Variants in ATXN1 observed in about 807,000 individuals in gnomAD.
ATXN1 encodes the protein ataxin 1.
In ATXN1, 8 loss-of-function variants were observed where a neutral mutation model predicts 56.4. That is an observed-to-expected ratio of 0.14 (90% CI 0.08 to 0.26). The LOEUF (loss-of-function observed/expected upper bound fraction) is 0.26. Among genes scored for constraint, ATXN1 ranks in the 10% least tolerant of loss-of-function variants. ATXN1 has a pLI of 1.00. For missense variants in ATXN1, 987 were observed against 1,106.5 expected (o/e 0.89, Z 1.53); for synonymous variants, 514 against 494.6 (o/e 1.04, Z -0.52).
chr6:16,457,857 C>A (rs1049689229), intron 6 of ATXN1, among the ~76,000 whole-genome samples: 1 of 152,198 alleles, frequency 6.6e-6, no homozygotes, highest in Non-Finnish European at 1.5e-5. Flanking sequence ...GACCACCAAA[C>A]CCCTCAGGCT....
At chr6:16,750,875 A>C (rs541090790) in intron 2 of ATXN1, among the ~76,000 whole-genome samples, 20 of 152,060 alleles carry the variant, frequency 1.3e-4, no homozygotes, top group Admixed American at 3.9e-4. Flanking sequence ...AAATGTGAGG[A>C]TTTTCAGCCT....
At chr6:16,474,873 C>T (rs1760295754) in intron 6 of ATXN1, among the ~76,000 whole-genome samples, 1 of 152,072 alleles carries the variant, frequency 6.6e-6, no homozygotes. Flanking sequence ...CACTCTCTCT[C>T]TCTTTCTGTA....
At chr6:16,361,293 T>C (rs1490264639) in intron 6 of ATXN1, among the ~76,000 whole-genome samples, 4 of 152,208 alleles carry the variant, frequency 2.6e-5, no homozygotes, top group Admixed American at 6.5e-5. Flanking sequence ...AACGTAATGT[T>C]TCCTTCACAT....
intron 3 of ATXN1, among the ~76,000 whole-genome samples, chr6:16,611,052 T>A (rs907498243): frequency 6.6e-6 from 1 of 151,842 alleles, no homozygotes; most frequent in Non-Finnish European, 1.5e-5. Context: ...TATACACATA[T>A]AAGGAGAGCA....
At chr6:16,519,203 C>T (rs1339350998) in intron 5 of ATXN1, among the ~76,000 whole-genome samples, 2 of 151,926 alleles carry the variant, frequency 1.3e-5, no homozygotes, top group Admixed American at 6.6e-5. Flanking sequence ...GGCTTAGCCT[C>T]GACCTAGAAA....
chr6:16,495,564 TA>T (rs1031845790), intron 5 of ATXN1, among the ~76,000 whole-genome samples: 14 of 152,304 alleles, frequency 9.2e-5, no homozygotes, highest in African/African-American at 3.4e-4. Context: ...AATCATGCTT[TA>T]AAAAATTAGT....
intron 6 of ATXN1, among the ~76,000 whole-genome samples, chr6:16,372,721 C>G (rs1762065247): frequency 6.6e-6 from 1 of 151,988 alleles, no homozygotes; most frequent in Admixed American, 6.6e-5. Flanking sequence ...TGAGACCAGC[C>G]TGGGCAACCC....
At chr6:16,362,589 C>A (rs1279487423) in intron 6 of ATXN1, among the ~76,000 whole-genome samples, 1 of 152,182 alleles carries the variant, frequency 6.6e-6, no homozygotes, top group Non-Finnish European at 1.5e-5. Context: ...TTCCCACCAG[C>A]AGCACCAGGA....
chr6:16,638,947 G>T (rs2113818414), intron 3 of ATXN1, among the ~76,000 whole-genome samples: 1 of 152,318 alleles, frequency 6.6e-6, no homozygotes, highest in East Asian at 1.9e-4. Context: ...AAGCCAGCTG[G>T]ACTTCTTGGG....
chr6:16,342,756 G>T (rs1761282176), intron 6 of ATXN1, among the ~76,000 whole-genome samples: 2 of 152,186 alleles, frequency 1.3e-5, no homozygotes, highest in Admixed American at 1.3e-4. Context: ...ATTATGCTAA[G>T]TGAAAGAAGC....
intron 5 of ATXN1, among the ~76,000 whole-genome samples, chr6:16,504,824 C>T (rs749009396): frequency 4.5e-4 from 68 of 152,158 alleles, no homozygotes; most frequent in African/African-American, 1.6e-3. Flanking sequence ...TCCTGACGTG[C>T]TTCCTGCACC....
At chr6:16,563,874 C>A (rs1762165824) in intron 4 of ATXN1, among the ~76,000 whole-genome samples, 1 of 152,154 alleles carries the variant, frequency 6.6e-6, no homozygotes, top group South Asian at 2.1e-4. Flanking sequence ...CGCTCCAGGT[C>A]CAAGGGCTTA....
intron 3 of ATXN1, among the ~76,000 whole-genome samples, chr6:16,588,111 C>T (rs969125880): frequency 5.3e-5 from 8 of 151,924 alleles, no homozygotes; most frequent in Non-Finnish European, 8.8e-5. Context: ...ATCACTCTGA[C>T]GTCTTCCTCT....
chr6:16,441,322 T>C (rs1471682354), intron 6 of ATXN1, among the ~76,000 whole-genome samples: 1 of 152,064 alleles, frequency 6.6e-6, no homozygotes, highest in Non-Finnish European at 1.5e-5. Flanking sequence ...TAAGAAAATA[T>C]AGGCCTTATT....
intron 6 of ATXN1, among the ~76,000 whole-genome samples, chr6:16,390,298 G>A (rs1332061717): frequency 6.6e-6 from 1 of 152,106 alleles, no homozygotes; most frequent in African/African-American, 2.4e-5. Context: ...TTCAGTATCT[G>A]TTGTCCTATC....
intron 4 of ATXN1, among the ~76,000 whole-genome samples, chr6:16,581,084 T>C (rs1762518216): frequency 6.6e-6 from 1 of 151,970 alleles, no homozygotes; most frequent in African/African-American, 2.4e-5. Flanking sequence ...AACCCTACAG[T>C]TTTTCTTTTT....
At chr6:16,604,191 A>G (rs570697271) in intron 3 of ATXN1, among the ~76,000 whole-genome samples, 9 of 152,168 alleles carry the variant, frequency 5.9e-5, no homozygotes, top group Non-Finnish European at 7.4e-5. Context: ...CTCTCAATAC[A>G]AAGAGATAAA....
chr6:16,321,602 C>G (rs181462538), intron 7 of ATXN1, among the ~76,000 whole-genome samples: 1 of 152,240 alleles, frequency 6.6e-6, no homozygotes, highest in East Asian at 1.9e-4. Flanking sequence ...GTGACAAACA[C>G]GGAAAAGCAT....
chr6:16,328,186 C>A lies in ATXN1; in HGVS notation c.125G>T (p.Gly42Val). Residue 42 changes from glycine to valine, a missense_variant, in exon 7 of 8, where the codon GGC becomes GTC. Physicochemically the swap from Gly to Val is moderately radical, Grantham distance 109. This residue lies in a region of ATXN1 where 723 missense variants were observed against 791.7 expected (regional missense o/e 0.91). Transcript: ENST00000436367. This position sits in a 1 kb window ranked among gnomAD's most constrained non-coding sequence, Gnocchi z 6.2. ...TLPSDNHRVE[G>V]TAWLPGNPGG... ...AGGGTTGCCCGGGAGCCATGCTGTG[C>A]CCTCCACCCGGTGGTTGTCGCTGGG... The A allele has an allele frequency of 6.3e-7, 1 of 1,597,278 alleles. No individual in the cohort carries two copies. The highest frequency in any genetic ancestry group is 1.1e-5 in the South Asian group (1 of 89,242).
Sources: gnomAD v4.1 joint callset for allele counts (sites outside exome capture counted in the v4.1 genomes callset) on GRCh38, gnomAD v4.1.1 for gene constraint, gnomAD v4.1.1 regional missense constraint, Gnocchi (gnomAD v3.1) non-coding constraint, MANE v1.5 for transcripts, NCBI Gene and HGNC (gene_info 2026-07-23, HGNC 2026-07-21) for gene names.